IL20RB: variants seen among roughly 807,000 people sequenced by gnomAD.
IL20RB encodes the protein interleukin 20 receptor subunit beta.
In IL20RB, 21 loss-of-function variants were observed where a neutral mutation model predicts 33.3. That is an observed-to-expected ratio of 0.63 (90% CI 0.45 to 0.91). IL20RB has a LOEUF of 0.91. Ranked by LOEUF, IL20RB falls within the 40% of genes least tolerant of loss-of-function variation. IL20RB has a pLI of 0.00. For missense variants in IL20RB, 345 were observed against 384.8 expected (o/e 0.90, Z 0.86); for synonymous variants, 147 against 146.8 (o/e 1.00, Z -0.01).
At chr3:136,975,928 G>A (rs1452404759) in intron 1 of IL20RB, among the ~76,000 whole-genome samples, 1 of 152,222 alleles carries the variant, frequency 6.6e-6, no homozygotes. Flanking sequence ...GGGCAAGGAG[G>A]TGGGTTCTTG....
At chr3:136,970,077 TTTTTTTTGTTTTTTG>T (rs1941432893) in intron 1 of IL20RB, among the ~76,000 whole-genome samples, 1 of 151,222 alleles carries the variant, frequency 6.6e-6, no homozygotes, top group African/African-American at 2.4e-5. Context: ...GTTTAAAGCG[TTTTTTTTGTTTTTTG>T]TTTTTTTGTT....
chr3:136,969,563 G>A (rs1186158125), intron 1 of IL20RB, among the ~76,000 whole-genome samples: 7 of 146,452 alleles, frequency 4.8e-5, no homozygotes, highest in South Asian at 2.3e-4. Context: ...GCTCGCGCAC[G>A]GTGCGCACAC....
intron 3 of IL20RB, among the ~76,000 whole-genome samples, chr3:136,987,896 A>C (rs1349282175): frequency 6.6e-6 from 1 of 152,162 alleles, no homozygotes; most frequent in African/African-American, 2.4e-5. Context: ...GGGCCCACCA[A>C]GCCCACGCCC....
At chr3:136,978,688 T>C (rs960282521) in intron 1 of IL20RB, among the ~76,000 whole-genome samples, 4 of 152,212 alleles carry the variant, frequency 2.6e-5, no homozygotes, top group Non-Finnish European at 2.9e-5. Context: ...CTATATTTTG[T>C]TGAAGATTTT....
chr3:136,995,247 A>T (rs2108212388), intron 5 of IL20RB, among the ~76,000 whole-genome samples, 167 bp from the exon 6 acceptor site: 1 of 152,256 alleles, frequency 6.6e-6, no homozygotes, highest in African/African-American at 2.4e-5. Flanking sequence ...AAATGCTTTT[A>T]ATGGTGGTAA....
At chr3:136,962,799 T>C (rs1422509077) in intron 1 of IL20RB, among the ~76,000 whole-genome samples, 45 of 132,576 alleles carry the variant, frequency 3.4e-4, no homozygotes, top group African/African-American at 1.1e-3. Flanking sequence ...AAAGACAGAC[T>C]GAAAACAGTT....
chr3:136,976,753 G>A (rs1941628525), intron 1 of IL20RB, among the ~76,000 whole-genome samples: 1 of 152,162 alleles, frequency 6.6e-6, no homozygotes, highest in Non-Finnish European at 1.5e-5. Flanking sequence ...GATAGCATGT[G>A]CATCTGCCAA....
At chr3:136,991,836 C>G (rs1942037882) in intron 4 of IL20RB, 102 bp from the exon 5 acceptor site, 1 of 1,216,286 alleles carries the variant, frequency 8.2e-7, no homozygotes, top group Admixed American at 2.0e-5. Context: ...TCTTGAACTC[C>G]TGACCTCAGG....
intron 1 of IL20RB, among the ~76,000 whole-genome samples, chr3:136,979,423 C>T (rs1015040293): frequency 3.3e-5 from 5 of 152,198 alleles, no homozygotes; most frequent in African/African-American, 9.7e-5. Context: ...GCCCCACCCC[C>T]ACTATGCTGT....
At chr3:137,006,847 G>C (rs570049112) in intron 6 of IL20RB, among the ~76,000 whole-genome samples, 1 of 152,276 alleles carries the variant, frequency 6.6e-6, no homozygotes, top group South Asian at 2.1e-4. Context: ...GAGGAGAAGA[G>C]GTGTTCTGAT....
At chr3:136,986,961 C>CTT (rs1941916111) in intron 3 of IL20RB, among the ~76,000 whole-genome samples, 3 of 151,944 alleles carry the variant, frequency 2.0e-5, no homozygotes, top group African/African-American at 7.3e-5. Flanking sequence ...GTTGTTCGTT[C>CTT]CTCCTGGTGG....
intron 6 of IL20RB, among the ~76,000 whole-genome samples, chr3:137,003,722 T>C (rs1200100228): frequency 2.6e-5 from 4 of 152,196 alleles, no homozygotes; most frequent in African/African-American, 4.8e-5. Context: ...ACAGGAACAA[T>C]TTGACTTCCT....
At chr3:137,004,374 G>A (rs1239341041) in intron 6 of IL20RB, among the ~76,000 whole-genome samples, 5 of 152,120 alleles carry the variant, frequency 3.3e-5, no homozygotes, top group Admixed American at 6.6e-5. Flanking sequence ...GGTAGAATTC[G>A]GCTGTGAATC....
At position 136,982,191 on chromosome 3, in the gene IL20RB, T is replaced by G; in HGVS notation, c.247T>G (p.Trp83Gly). ...EYESLYTSHI[W>G]IPSSWCSLTE... ...CGAGAGCCTGTACACGAGCCACATC[T>G]GGATCCCCAGCAGCTGGTGCTCACT... is the stretch of plus-strand genomic sequence containing the variant. The change falls in exon 3 of 7, where the codon TGG becomes GGG. Residue 83 changes from tryptophan to glycine, a missense_variant. Coordinates refer to ENST00000329582, the MANE Select transcript of IL20RB (RefSeq NM_144717.4). 1.9e-6 allele frequency: 3 copies of G among 1,598,246 alleles called. No individual in the cohort carries two copies. The highest frequency in any genetic ancestry group is 2.6e-6 in the Non-Finnish European group (3 of 1,167,432).
chr3:136,977,768 T>G (rs780622713), intron 1 of IL20RB, among the ~76,000 whole-genome samples: 78 of 152,272 alleles, frequency 5.1e-4, no homozygotes, highest in Middle Eastern at 3.4e-3. Flanking sequence ...TCAGGCGATC[T>G]GCCTGCCTTG....
chr3:137,007,623 C>A (rs962397930), intron 6 of IL20RB, among the ~76,000 whole-genome samples: 2 of 152,170 alleles, frequency 1.3e-5, no homozygotes, highest in African/African-American at 4.8e-5. Flanking sequence ...ACCTTGTCTG[C>A]CAGTTGCTAA....
intron 3 of IL20RB, chr3:136,986,710 G>A (rs781213968): frequency 1.1e-5 from 5 of 456,684 alleles, no homozygotes; most frequent in Admixed American, 9.4e-5. Flanking sequence ...CCTTTCTTCT[G>A]AGTGTCCACT....
At chr3:136,997,045 A>G (rs1248201708) in intron 6 of IL20RB, among the ~76,000 whole-genome samples, 2 of 151,202 alleles carry the variant, frequency 1.3e-5, no homozygotes, top group Non-Finnish European at 2.9e-5. Flanking sequence ...TTTAATATTG[A>G]GAGTAGGATA....
chr3:136,961,029 A>G (rs183180261), intron 1 of IL20RB, among the ~76,000 whole-genome samples: 1 of 152,132 alleles, frequency 6.6e-6, no homozygotes, highest in Non-Finnish European at 1.5e-5. Flanking sequence ...CCTTCATGCT[A>G]CTTCCCTTGG....
Sources: gnomAD v4.1 joint callset for allele counts (sites outside exome capture counted in the v4.1 genomes callset) on GRCh38, gnomAD v4.1.1 for gene constraint, MANE v1.5 for transcripts, NCBI Gene and HGNC (gene_info 2026-07-23, HGNC 2026-07-21) for gene names.